CATSPERE: variants seen among roughly 807,000 people sequenced by gnomAD.
CATSPERE encodes catsper channel auxiliary subunit epsilon, also known as cation channel sperm-associated auxiliary subunit epsilon.
A neutral mutation model predicts 114.1 loss-of-function variants in CATSPERE; 93 were observed. The ratio of observed to expected loss-of-function variants is 0.81; its 90% CI spans 0.69 to 0.97. The LOEUF is 0.97. Ranked by LOEUF, CATSPERE falls within the 50% of genes least tolerant of loss-of-function variation. CATSPERE has a pLI of 0.00. For missense variants in CATSPERE, 1,058 were observed against 1,131.6 expected (o/e 0.93, Z 0.93); for synonymous variants, 341 against 384.1 (o/e 0.89, Z 1.31).
intron 2 of CATSPERE, among the ~76,000 whole-genome samples, chr1:244,472,236 C>T (rs1436810838): frequency 6.6e-6 from 1 of 152,192 alleles, no homozygotes; most frequent in Non-Finnish European, 1.5e-5. Context: ...GCTAGGATTA[C>T]AGGCATGAGC....
chr1:244,564,100 C>A (rs1663028376), intron 10 of CATSPERE, among the ~76,000 whole-genome samples: 1 of 152,056 alleles, frequency 6.6e-6, no homozygotes, highest in Non-Finnish European at 1.5e-5. Flanking sequence ...TGTTCTGTTC[C>A]ATTGGTCTAT....
chr1:244,498,419 C>T (rs532119805), intron 6 of CATSPERE, among the ~76,000 whole-genome samples: 1 of 152,094 alleles, frequency 6.6e-6, no homozygotes, highest in Non-Finnish European at 1.5e-5. Flanking sequence ...GTGGGAGAGA[C>T]AGCTTTTGCT....
chr1:244,534,458 C>A (rs1420202292), intron 8 of CATSPERE, among the ~76,000 whole-genome samples: 2 of 151,954 alleles, frequency 1.3e-5, no homozygotes, highest in South Asian at 4.1e-4. Flanking sequence ...CTTTTCTATT[C>A]TTTTTTCTAT....
At position 244,595,919 on chromosome 1, in the gene CATSPERE, C is replaced by T. The variant is rs541124196; in HGVS notation, c.2303+2341C>T. Reference sequence around the variant, plus strand: ...CTGCACTCTAGCCTGGGCGACAGAGCGAGACTCCGTCTCAAAAAAGAAAAA... The same window carrying T: ...CTGCACTCTAGCCTGGGCGACAGAGTGAGACTCCGTCTCAAAAAAGAAAAA... On this transcript the variant is annotated intron_variant, in intron 17 of 21. Coordinates refer to ENST00000366534, the MANE Select transcript of CATSPERE (RefSeq NM_001130957.2). 1.1e-4 allele frequency among the ~76,000 whole-genome samples: 16 copies of T among 151,772 alleles called. No homozygotes were observed. The East Asian group carries it at 2.3e-3, about 22-fold the overall frequency.
At chr1:244,594,326 C>T (rs1485846661) in intron 17 of CATSPERE, among the ~76,000 whole-genome samples, 1 of 152,058 alleles carries the variant, frequency 6.6e-6, no homozygotes, top group Admixed American at 6.5e-5. Flanking sequence ...TCTCAAAAAA[C>T]AAAAACGAAT....
At chr1:244,484,776 C>A (rs1355190061) in intron 5 of CATSPERE, among the ~76,000 whole-genome samples, 2 of 152,164 alleles carry the variant, frequency 1.3e-5, no homozygotes, top group Admixed American at 1.3e-4. Context: ...TCTCATATTA[C>A]CTTCTCTTCC....
At chr1:244,529,064 T>C (rs1215599411) in intron 8 of CATSPERE, among the ~76,000 whole-genome samples, 5 of 152,198 alleles carry the variant, frequency 3.3e-5, no homozygotes, top group Non-Finnish European at 7.3e-5. Flanking sequence ...CACATTTTCT[T>C]TATCCATTCA....
chr1:244,463,489 A>G (rs553259811), intron 1 of CATSPERE, among the ~76,000 whole-genome samples: 4 of 152,256 alleles, frequency 2.6e-5, no homozygotes, highest in African/African-American at 7.2e-5. Context: ...GCAGTAAGCC[A>G]AGATCACTGC....
intron 8 of CATSPERE, among the ~76,000 whole-genome samples, chr1:244,523,222 C>G (rs58707642): frequency 0.17 from 25,056 of 148,038 alleles, 2,500 homozygotes; most frequent in African/African-American, 0.24. Context: ...ATAAACAGAA[C>G]CAAAGACAAA....
intron 8 of CATSPERE, among the ~76,000 whole-genome samples, chr1:244,530,595 GT>G (rs1679430685): frequency 6.6e-6 from 1 of 152,120 alleles, no homozygotes; most frequent in Non-Finnish European, 1.5e-5. Flanking sequence ...CATTGAACCT[GT>G]AGATTGCTTT....
chr1:244,584,386 G>A (rs537065468), intron 13 of CATSPERE, among the ~76,000 whole-genome samples: 1 of 152,226 alleles, frequency 6.6e-6, no homozygotes, highest in African/African-American at 2.4e-5. Context: ...CTGAGACTGG[G>A]AGGGGAAAGG....
At chr1:244,594,746 C>T (rs1195249488) in intron 17 of CATSPERE, among the ~76,000 whole-genome samples, 2 of 152,148 alleles carry the variant, frequency 1.3e-5, no homozygotes, top group African/African-American at 2.4e-5. Context: ...ATGAATCAGA[C>T]GCTCCAGTTT....
rs755071843 is a variant in CATSPERE at position 244,593,382 on chromosome 1, G to A, written c.2190-13G>A. On this transcript the variant is annotated splice_polypyrimidine_tract_variant and intron_variant, in intron 15 of 21. Transcript: ENST00000366534. The stretch of plus-strand genomic sequence containing the variant: ...AGAGGAAAGAGAAATAATGAGGAAT[G>A]TCTTTTTCACAGGTCATATCTGAGG... 3 of 1,611,408 alleles carry A rather than the reference G, an allele frequency of 1.9e-6. No homozygotes were observed. The highest frequency in any genetic ancestry group is 4.5e-5 in the East Asian group (2 of 44,850).
intron 13 of CATSPERE, among the ~76,000 whole-genome samples, chr1:244,586,857 G>A (rs368479729): frequency 6.6e-5 from 10 of 152,298 alleles, no homozygotes; most frequent in Admixed American, 1.3e-4. Context: ...AGGTATCCCA[G>A]CAGAGGGAGA....
chr1:244,501,102 G>A (rs1176784101), intron 7 of CATSPERE, among the ~76,000 whole-genome samples: 1 of 152,026 alleles, frequency 6.6e-6, no homozygotes, highest in Non-Finnish European at 1.5e-5. Flanking sequence ...TCTCTTTGTA[G>A]CAATTATGAA....
chr1:244,526,995 C>T (rs1414406254), intron 8 of CATSPERE, among the ~76,000 whole-genome samples: 1 of 152,078 alleles, frequency 6.6e-6, no homozygotes, highest in East Asian at 1.9e-4. Context: ...TCACATGCTT[C>T]ACAAGGTAAT....
At chr1:244,593,811 C>T (rs1025978712) in intron 17 of CATSPERE, among the ~76,000 whole-genome samples, 1 of 152,100 alleles carries the variant, frequency 6.6e-6, no homozygotes, top group Non-Finnish European at 1.5e-5. Context: ...AGCTGAGAGC[C>T]TGCCTGTCAG....
At chr1:244,484,735 C>T (rs1012177594) in intron 5 of CATSPERE, among the ~76,000 whole-genome samples, 2 of 152,164 alleles carry the variant, frequency 1.3e-5, no homozygotes, top group African/African-American at 4.8e-5. Context: ...CATTTCTTTG[C>T]TCAACAATGC....
At chr1:244,580,387 A>G (rs1201999699) in intron 11 of CATSPERE, among the ~76,000 whole-genome samples, 1 of 151,940 alleles carries the variant, frequency 6.6e-6, no homozygotes, top group East Asian at 1.9e-4. Context: ...ATGAAGTACA[A>G]TAGTATATTA....
Sources: gnomAD v4.1 joint callset for allele counts (sites outside exome capture counted in the v4.1 genomes callset) on GRCh38, gnomAD v4.1.1 for gene constraint, MANE v1.5 for transcripts, NCBI Gene and HGNC (gene_info 2026-07-23, HGNC 2026-07-21) for gene names.